HSPB3: variants seen among roughly 807,000 people sequenced by gnomAD.
HSPB3 encodes the protein heat shock protein family B (small) member 3.
A neutral mutation model predicts 10.9 loss-of-function variants in HSPB3; 10 were observed. That is an observed-to-expected ratio of 0.91 (90% CI 0.56 to 1.55). The LOEUF (loss-of-function observed/expected upper bound fraction) is 1.55, where lower values mean the gene tolerates loss of function less well. Among genes scored for constraint, HSPB3 ranks in the 40% most tolerant of loss-of-function variants. HSPB3 has a pLI of 0.00. For synonymous variants in HSPB3, 73 were observed against 71.8 expected (o/e 1.02, Z -0.08); for missense variants, 176 against 184.1 (o/e 0.96, Z 0.25).
chr5:54,456,095 C>T lies in HSPB3; in HGVS notation c.306C>T (p.Thr102=). The change falls in exon 1 of 1, where the codon ACC becomes ACT. Residue 102 remains threonine, a synonymous_variant. Transcript: ENST00000302005. ...TGCTGATAAAAGCACAACACGGAAC[C>T]AGAATGGATGAGCACGGTTTTATCT... is the stretch of plus-strand genomic sequence containing the variant. ...GWLLIKAQHG[T]RMDEHGFISR... 6.2e-7 allele frequency: 1 copy of T among 1,614,096 alleles called. No individual in the cohort carries two copies. The highest frequency in any genetic ancestry group is 8.5e-7 in the Non-Finnish European group (1 of 1,180,012).
In HSPB3 at chr5:54,456,282, A is replaced by G. The variant is rs1348702446; in HGVS notation, c.*40A>G. ...CTGTTCAGATGACATGGGGAAGATG[A>G]TGGTTCAGCCACTGGTACTACGAGA... On this transcript the variant is annotated 3_prime_UTR_variant, in exon 1 of 1. Coordinates refer to ENST00000302005, the MANE Select transcript of HSPB3 (RefSeq NM_006308.3). 1 of 1,475,802 alleles carries G rather than the reference A, an allele frequency of 6.8e-7. No homozygotes were observed. The highest frequency in any genetic ancestry group is 2.3e-5 in the East Asian group (1 of 44,298). The allele number at this position is 1,475,802 out of a possible 1,614,324, so 91.4% of individuals were successfully genotyped here.
In HSPB3 at chr5:54,456,033, C is replaced by T. The variant is rs1179580897; in HGVS notation, c.244C>T (p.Pro82Ser). 1 of 1,614,000 alleles carries T rather than the reference C, an allele frequency of 6.2e-7. No individual in the cohort carries two copies. Among genetic ancestry groups the T allele is most frequent in the Non-Finnish European group, 8.5e-7 (1 of 1,180,002 alleles). ...CCTGCTGGACGTGGTCCAGTTCCTC[C>T]CTGAAGACATCATCATTCAGACCTT... ...QILLDVVQFL[P>S]EDIIIQTFEG... is the part of the protein sequence containing the mutation. Residue 82 changes from proline to serine, a missense_variant, in exon 1 of 1, where the codon CCT (proline) becomes TCT (serine). By Grantham distance (74) the Pro-to-Ser change is moderately conservative (BLOSUM62 -1). Coordinates refer to ENST00000302005, the MANE Select transcript of HSPB3 (RefSeq NM_006308.3).
chr5:54,455,954 A>G lies in HSPB3; in HGVS notation c.165A>G (p.Pro55=). The change falls in exon 1 of 1, where the codon CCA becomes CCG. Residue 55 remains proline, a synonymous_variant. Coordinates refer to ENST00000302005, the MANE Select transcript of HSPB3 (RefSeq NM_006308.3). The part of the protein sequence containing the change: ...LRKTRAAQSP[P]VDSAAETPPR... ...AAACCAGGGCAGCGCAGTCTCCTCC[A>G]GTGGACTCAGCGGCAGAGACGCCAC... The G allele has an allele frequency of 1.9e-6, 3 of 1,614,166 alleles. No individual in the cohort carries two copies. Among genetic ancestry groups the G allele is most frequent in the Non-Finnish European group, 2.5e-6 (3 of 1,180,022 alleles).
chr5:54,456,143 C>T lies in HSPB3; in HGVS notation c.354C>T (p.Tyr118=), dbSNP rs756648321. 7 of 1,614,022 alleles carry T rather than the reference C, an allele frequency of 4.3e-6. No individual in the cohort carries two copies. Among genetic ancestry groups the T allele is most frequent in the Non-Finnish European group, 5.9e-6 (7 of 1,180,026 alleles). Residue 118 remains tyrosine, a synonymous_variant, in exon 1 of 1, where the codon TAC becomes TAT. Coordinates refer to ENST00000302005, the MANE Select transcript of HSPB3 (RefSeq NM_006308.3). ...GFISRSFTRQ[Y]KLPDGVEIKD... ...TCTCAAGAAGCTTCACCCGACAGTA[C>T]AAACTACCAGATGGTGTGGAAATCA...
chr5:54,456,246 C>T lies in HSPB3; in HGVS notation c.*4C>T, dbSNP rs906260413. ...GGATCCAGTTGGGACTAAGTGACATCGTATCGGTTCCTGTTCAGATGACAT... is the reference window on the plus strand; with the variant it reads ...GGATCCAGTTGGGACTAAGTGACATTGTATCGGTTCCTGTTCAGATGACAT... On this transcript the variant is annotated 3_prime_UTR_variant, in exon 1 of 1. Coordinates refer to ENST00000302005, the MANE Select transcript of HSPB3 (RefSeq NM_006308.3). The T allele has an allele frequency of 1.2e-5, 19 of 1,609,624 alleles. No homozygotes were observed. The highest frequency in any genetic ancestry group is 1.6e-4 in the Middle Eastern group (1 of 6,078).
rs757130167 is a variant in HSPB3 at position 54,455,846 on chromosome 5, G to A, written c.57G>A (p.Glu19=). The A allele has an allele frequency of 1.2e-6, 2 of 1,614,048 alleles. No individual in the cohort carries two copies. Among genetic ancestry groups the A allele is most frequent in the Non-Finnish European group, 1.7e-6 (2 of 1,180,034 alleles). The change falls in exon 1 of 1, where the codon GAG becomes GAA. Residue 19 remains glutamate (E), a synonymous_variant. Coordinates refer to ENST00000302005, the MANE Select transcript of HSPB3 (RefSeq NM_006308.3). ...AGATTCCAGTGCGTTACCAGGAAGA[G>A]TTTGAAGCTCGAGGTCTAGAAGACT... ...LIEIPVRYQE[E]FEARGLEDCR... is the part of the protein sequence containing the mutation.
rs369890201 is a variant in HSPB3 at position 54,456,111 on chromosome 5, G to A, written c.322G>A (p.Gly108Ser). ...ACACGGAACCAGAATGGATGAGCAC[G>A]GTTTTATCTCAAGAAGCTTCACCCG... ...AQHGTRMDEH[G>S]FISRSFTRQY... The change falls in exon 1 of 1, where the codon GGT becomes AGT. Residue 108 changes from glycine to serine, a missense_variant. Coordinates refer to ENST00000302005, the MANE Select transcript of HSPB3 (RefSeq NM_006308.3). 16 of 1,614,172 alleles carry A rather than the reference G, an allele frequency of 9.9e-6. 1 individual carries two copies. Among genetic ancestry groups the A allele is most frequent in the Admixed American group, 3.3e-5 (2 of 60,018 alleles).
chr5:54,456,149 A>G lies in HSPB3; in HGVS notation c.360A>G (p.Leu120=). ...ISRSFTRQYK[L]PDGVEIKDLS... is the part of the protein sequence containing the mutation. ...GAAGCTTCACCCGACAGTACAAACT[A>G]CCAGATGGTGTGGAAATCAAAGATT... The change falls in exon 1 of 1, where the codon CTA becomes CTG. Residue 120 remains leucine (L), a synonymous_variant. Coordinates refer to ENST00000302005, the MANE Select transcript of HSPB3 (RefSeq NM_006308.3). The G allele has an allele frequency of 6.2e-7, 1 of 1,614,160 alleles. No homozygotes were observed. Among genetic ancestry groups the G allele is most frequent in the Non-Finnish European group, 8.5e-7 (1 of 1,180,014 alleles).
At position 54,455,723 on chromosome 5, in the gene HSPB3, C is replaced by A. The variant is rs913988211; in HGVS notation, c.-67C>A. 1 of 1,315,480 alleles carries A rather than the reference C, an allele frequency of 7.6e-7. No homozygotes were observed. The highest frequency in any genetic ancestry group is 1.1e-6 in the Non-Finnish European group (1 of 910,504). The allele number at this position is 1,315,480 out of a possible 1,614,324, so 81.5% of individuals were successfully genotyped here. A position where few individuals can be genotyped will look rare whatever the true frequency, so the allele number is the denominator to read the frequency against. On this transcript the variant is annotated 5_prime_UTR_variant, in exon 1 of 1. Coordinates refer to ENST00000302005, the MANE Select transcript of HSPB3 (RefSeq NM_006308.3). ...CAGTCAGTAGGCAACTGCAGGGGCT[C>A]GCCACTGACTGAAGGCAGTGGAAGG...
chr5:54,456,126 A>C lies in HSPB3; in HGVS notation c.337A>C (p.Ser113Arg), dbSNP rs368869762. 2.5e-6 allele frequency: 4 copies of C among 1,614,194 alleles called. No homozygotes were observed. Among genetic ancestry groups the C allele is most frequent in the Non-Finnish European group, 3.4e-6 (4 of 1,180,022 alleles). ...RMDEHGFISR[S>R]FTRQYKLPDG... Reference sequence around the variant, plus strand: ...GGATGAGCACGGTTTTATCTCAAGAAGCTTCACCCGACAGTACAAACTACC... The same window carrying C: ...GGATGAGCACGGTTTTATCTCAAGACGCTTCACCCGACAGTACAAACTACC... Residue 113 changes from serine to arginine, a missense_variant, in exon 1 of 1, where the codon AGC (serine) becomes CGC (arginine). Transcript: ENST00000302005.
In HSPB3 at chr5:54,456,050, T is replaced by C. The variant is rs754783853; in HGVS notation, c.261T>C (p.Ile87=). 15 of 1,613,776 alleles carry C rather than the reference T, an allele frequency of 9.3e-6. No homozygotes were observed. In the Admixed American group the frequency reaches 2.0e-4, roughly 22 times the overall value. The change falls in exon 1 of 1, where the codon ATT becomes ATC. Residue 87 remains isoleucine, a synonymous_variant. Transcript: ENST00000302005. ...AGTTCCTCCCTGAAGACATCATCATTCAGACCTTCGAAGGCTGGCTGCTGA... is the reference window on the plus strand; with the variant it reads ...AGTTCCTCCCTGAAGACATCATCATCCAGACCTTCGAAGGCTGGCTGCTGA... The part of the protein sequence containing the change: ...VVQFLPEDII[I]QTFEGWLLIK...
chr5:54,455,947 C>A lies in HSPB3; in HGVS notation c.158C>A (p.Ser53Tyr), dbSNP rs756831768. The change falls in exon 1 of 1, where the codon TCT becomes TAT. Residue 53 changes from serine to tyrosine, a missense_variant. Transcript: ENST00000302005. ...CTGAGGAAAACCAGGGCAGCGCAGT[C>A]TCCTCCAGTGGACTCAGCGGCAGAG... ...VDLRKTRAAQSPPVDSAAETP... is the reference protein window; with the variant it reads ...VDLRKTRAAQYPPVDSAAETP... The A allele has an allele frequency of 6.2e-7, 1 of 1,614,194 alleles. No homozygotes were observed. The highest frequency in any genetic ancestry group is 1.6e-4 in the Middle Eastern group (1 of 6,062).
In HSPB3 at chr5:54,455,802, A is replaced by G; in HGVS notation, c.13A>G (p.Ile5Val). MAKIILRHLIEIPVR... is the reference protein window; with the variant it reads MAKIVLRHLIEIPVR... Reference sequence around the variant, plus strand: ...TTTTGCCTTCACTATGGCAAAAATCATTTTGAGGCACCTCATAGAGATTCC... The same window carrying G: ...TTTTGCCTTCACTATGGCAAAAATCGTTTTGAGGCACCTCATAGAGATTCC... Residue 5 changes from isoleucine to valine, a missense_variant, in exon 1 of 1, where the codon ATT becomes GTT. Transcript: ENST00000302005. The G allele has an allele frequency of 6.2e-7, 1 of 1,614,152 alleles. No individual in the cohort carries two copies. The highest frequency in any genetic ancestry group is 8.5e-7 in the Non-Finnish European group (1 of 1,180,018).
chr5:54,455,721 C>A lies in HSPB3; in HGVS notation c.-69C>A. The A allele has an allele frequency of 1.5e-6, 2 of 1,313,504 alleles. No homozygotes were observed. The highest frequency in any genetic ancestry group is 2.2e-6 in the Non-Finnish European group (2 of 909,696). 81.4% of individuals were successfully genotyped at this position (1,313,504 alleles called of 1,614,324 possible). A position where few individuals can be genotyped will look rare whatever the true frequency, so the allele number is the denominator to read the frequency against. On this transcript the variant is annotated 5_prime_UTR_variant, in exon 1 of 1. Coordinates refer to ENST00000302005, the MANE Select transcript of HSPB3 (RefSeq NM_006308.3). ...TCCAGTCAGTAGGCAACTGCAGGGGCTCGCCACTGACTGAAGGCAGTGGAA... is the reference window on the plus strand; with the variant it reads ...TCCAGTCAGTAGGCAACTGCAGGGGATCGCCACTGACTGAAGGCAGTGGAA...
At position 54,455,850 on chromosome 5, in the gene HSPB3, G is replaced by T; in HGVS notation, c.61G>T (p.Glu21Ter). 1 of 1,614,142 alleles carries T rather than the reference G, an allele frequency of 6.2e-7. No homozygotes were observed. The highest frequency in any genetic ancestry group is 8.5e-7 in the Non-Finnish European group (1 of 1,180,008). The change falls in exon 1 of 1, where the codon GAA becomes TAA. Residue 21 changes from glutamate (E) to a stop codon, truncating the protein, a stop_gained. Transcript: ENST00000302005. LOFTEE classifies it high-confidence loss of function. The part of the protein sequence containing the change: ...EIPVRYQEEF[E>*]ARGLEDCRLD... The stretch of plus-strand genomic sequence containing the variant: ...TCCAGTGCGTTACCAGGAAGAGTTT[G>T]AAGCTCGAGGTCTAGAAGACTGCAG...
Position 54,456,040 on chromosome 5 carries a change from A to G in HSPB3, c.251A>G (p.Asp84Gly). ...LLDVVQFLPE[D>G]IIIQTFEGWL... ...GACGTGGTCCAGTTCCTCCCTGAAGACATCATCATTCAGACCTTCGAAGGC... is the reference window on the plus strand; with the variant it reads ...GACGTGGTCCAGTTCCTCCCTGAAGGCATCATCATTCAGACCTTCGAAGGC... The change falls in exon 1 of 1, where the codon GAC (aspartate) becomes GGC (glycine). Residue 84 changes from aspartate to glycine, a missense_variant. Physicochemically the swap from Asp to Gly is moderately conservative, Grantham distance 94. Coordinates refer to ENST00000302005, the MANE Select transcript of HSPB3 (RefSeq NM_006308.3). The G allele has an allele frequency of 1.2e-6, 2 of 1,614,126 alleles. No individual in the cohort carries two copies. Among genetic ancestry groups the G allele is most frequent in the Non-Finnish European group, 1.7e-6 (2 of 1,180,028 alleles).
chr5:54,455,879 G>T lies in HSPB3; in HGVS notation c.90G>T (p.Leu30=), dbSNP rs2112802922. The change falls in exon 1 of 1, where the codon CTG becomes CTT. Residue 30 remains leucine (L), a synonymous_variant. Coordinates refer to ENST00000302005, the MANE Select transcript of HSPB3 (RefSeq NM_006308.3). ...CTCGAGGTCTAGAAGACTGCAGGCT[G>T]GATCATGCTTTATATGCACTGCCTG... ...FEARGLEDCR[L]DHALYALPGP... 1 of 1,614,148 alleles carries T rather than the reference G, an allele frequency of 6.2e-7. No individual in the cohort carries two copies. Among genetic ancestry groups the T allele is most frequent in the Non-Finnish European group, 8.5e-7 (1 of 1,180,026 alleles).
chr5:54,456,215 A>C lies in HSPB3; in HGVS notation c.426A>C (p.Glu142Asp). The C allele has an allele frequency of 6.2e-7, 1 of 1,614,202 alleles. No homozygotes were observed. Among genetic ancestry groups the C allele is most frequent in the Non-Finnish European group, 8.5e-7 (1 of 1,180,010 alleles). ...GTCATGATGGAATTTTGGTGGTGGA[A>C]GTAAAGGATCCAGTTGGGACTAAGT... ...VLCHDGILVVEVKDPVGTK is the reference protein window; with the variant it reads ...VLCHDGILVVDVKDPVGTK Residue 142 changes from glutamate (E) to aspartate (D), a missense_variant, in exon 1 of 1, where the codon GAA becomes GAC. Coordinates refer to ENST00000302005, the MANE Select transcript of HSPB3 (RefSeq NM_006308.3).
rs371683736 is a variant in HSPB3 at position 54,455,983 on chromosome 5, G to A, written c.194G>A (p.Arg65Gln). 13 of 1,614,080 alleles carry A rather than the reference G, an allele frequency of 8.1e-6. No homozygotes were observed. In the South Asian group the frequency reaches 8.8e-5, roughly 11 times the overall value. The change falls in exon 1 of 1, where the codon CGA becomes CAA. Residue 65 changes from arginine (R) to glutamine (Q), a missense_variant. By Grantham distance (43) the Arg-to-Gln change is conservative (BLOSUM62 1). Coordinates refer to ENST00000302005, the MANE Select transcript of HSPB3 (RefSeq NM_006308.3). ...PVDSAAETPP[R>Q]EGKSHFQILL... ...GACTCAGCGGCAGAGACGCCACCCC[G>A]AGAAGGCAAATCCCACTTTCAGATC...
Sources: allele counts gnomAD v4.1 joint callset, GRCh38; gene constraint gnomAD v4.1.1; transcripts MANE v1.5; gene names NCBI Gene and HGNC (gene_info 2026-07-23, HGNC 2026-07-21).